Variants in GPC6 observed in about 807,000 individuals in gnomAD.
The protein encoded by GPC6 is glypican 6, also known as glypican-6.
In GPC6, 14 loss-of-function variants were observed where a neutral mutation model predicts 55.2. The ratio of observed to expected loss-of-function variants is 0.25; its 90% CI spans 0.17 to 0.40. The LOEUF (loss-of-function observed/expected upper bound fraction) is 0.40. GPC6 is among the 10% of genes least tolerant of loss of function. The pLI, the probability that GPC6 is intolerant of heterozygous loss-of-function variation, is 1.00. For missense variants in GPC6, 641 were observed against 708.5 expected, an observed-to-expected ratio of 0.90 and a Z score of 1.08; for synonymous variants, 278 against 259.6, an observed-to-expected ratio of 1.07 and a Z score of -0.68.
chr13:93,678,891 A>G (rs1280995923), intron 2 of GPC6, among the ~76,000 whole-genome samples: 1 of 152,142 alleles, frequency 6.6e-6, no homozygotes, highest in Non-Finnish European at 1.5e-5. Context: ...TGTCTGCAGA[A>G]AAAGAAGGGC....
intron 1 of GPC6, among the ~76,000 whole-genome samples, chr13:93,512,864 G>A (rs758543953): frequency 2.6e-5 from 4 of 152,074 alleles, no homozygotes; most frequent in Admixed American, 1.3e-4. Flanking sequence ...CACAAAAGCA[G>A]ATAACTATAA....
At chr13:93,573,272 A>T (rs545228808) in intron 2 of GPC6, among the ~76,000 whole-genome samples, 190 of 151,928 alleles carry the variant, frequency 1.3e-3, no homozygotes, top group African/African-American at 3.5e-3. Flanking sequence ...ATAAATATTT[A>T]AAAAAAACAG....
At chr13:93,580,824 C>T (rs1038464260) in intron 2 of GPC6, among the ~76,000 whole-genome samples, 21 of 152,096 alleles carry the variant, frequency 1.4e-4, no homozygotes, top group Admixed American at 3.3e-4. Context: ...TAAGTTACAA[C>T]AATAATCTGC....
intron 2 of GPC6, among the ~76,000 whole-genome samples, chr13:93,633,475 G>A (rs554272563): frequency 6.6e-6 from 1 of 151,850 alleles, no homozygotes; most frequent in East Asian, 1.9e-4. Flanking sequence ...GTGAAAACCC[G>A]TCTCTACTAA....
At chr13:93,904,981 G>A (rs1450351727) in intron 3 of GPC6, among the ~76,000 whole-genome samples, 1 of 135,066 alleles carries the variant, frequency 7.4e-6, no homozygotes, top group Non-Finnish European at 1.5e-5. Flanking sequence ...CTGTGTCCAT[G>A]TGTTCTCATT....
intron 3 of GPC6, among the ~76,000 whole-genome samples, chr13:93,947,125 T>G (rs540918604): frequency 6.6e-6 from 1 of 152,284 alleles, no homozygotes; most frequent in African/African-American, 2.4e-5. Context: ...GAGGTATGCT[T>G]TGATTGCAAA....
chr13:94,212,079 G>A (rs1292024530), intron 4 of GPC6, among the ~76,000 whole-genome samples: 2 of 152,140 alleles, frequency 1.3e-5, no homozygotes, highest in African/African-American at 4.8e-5. Context: ...AACCTGGGAA[G>A]GTGGGTTCTG....
intron 3 of GPC6, among the ~76,000 whole-genome samples, chr13:93,929,852 AAGG>A (rs1878063122): frequency 6.6e-6 from 1 of 152,024 alleles, no homozygotes; most frequent in South Asian, 2.1e-4. Flanking sequence ...CAGAGAGAAA[AAGG>A]AAGAAAAGAA....
intron 3 of GPC6, among the ~76,000 whole-genome samples, chr13:93,938,608 A>G (rs1265854256): frequency 6.6e-6 from 1 of 152,234 alleles, no homozygotes; most frequent in Admixed American, 6.5e-5. Flanking sequence ...TAGAAAGACA[A>G]CAGAAAATTG....
chr13:93,486,131 G>A (rs932778581), intron 1 of GPC6, among the ~76,000 whole-genome samples: 1 of 152,144 alleles, frequency 6.6e-6, no homozygotes, highest in Non-Finnish European at 1.5e-5. Flanking sequence ...GTGTAGTAGA[G>A]ACAAGTGGTA....
chr13:94,130,091 T>C (rs1004582870), intron 4 of GPC6, among the ~76,000 whole-genome samples: 2 of 152,202 alleles, frequency 1.3e-5, no homozygotes, highest in Non-Finnish European at 2.9e-5. Context: ...GCTCTCATAC[T>C]GATTAATGTT....
chr13:93,584,714 A>G (rs1222116602), intron 2 of GPC6, among the ~76,000 whole-genome samples: 2 of 128,068 alleles, frequency 1.6e-5, no homozygotes, highest in Non-Finnish European at 3.1e-5. Flanking sequence ...TTTTTGAGAC[A>G]GGGTCTCTCT....
chr13:93,979,108 C>G (rs1161065016), intron 3 of GPC6, among the ~76,000 whole-genome samples: 1 of 151,944 alleles, frequency 6.6e-6, no homozygotes, highest in Non-Finnish European at 1.5e-5. Flanking sequence ...TCCAATAGAA[C>G]TTTCTGAGAT....
intron 3 of GPC6, among the ~76,000 whole-genome samples, chr13:93,856,783 G>A (rs1888629121): frequency 6.6e-6 from 1 of 151,586 alleles, no homozygotes; most frequent in Admixed American, 6.6e-5. Flanking sequence ...ACCAGGAATG[G>A]ATTGTGAGTC....
chr13:94,368,145 CTCA>C (rs1879367087), intron 6 of GPC6, among the ~76,000 whole-genome samples: 1 of 104,770 alleles, frequency 9.5e-6, no homozygotes, highest in South Asian at 3.5e-4. Flanking sequence ...AAGACTCTGT[CTCA>C]AAAAAAAAAA....
chr13:94,305,215 T>G (rs1264487583), intron 5 of GPC6, among the ~76,000 whole-genome samples: 1 of 152,170 alleles, frequency 6.6e-6, no homozygotes, highest in Admixed American at 6.5e-5. Context: ...ACTGAACCGT[T>G]GCAGCAATGA....
At chr13:93,622,859 GCTAT>G (rs1273995808) in intron 2 of GPC6, among the ~76,000 whole-genome samples, 3 of 152,034 alleles carry the variant, frequency 2.0e-5, no homozygotes, top group Admixed American at 6.6e-5. Flanking sequence ...ACTTATTTCT[GCTAT>G]CTATTTGTAA....
At chr13:93,217,037 G>A in the GPC6 span, among the ~76,000 whole-genome samples, 51 of 151,526 alleles carry the variant, frequency 3.4e-4, no homozygotes, top group African/African-American at 4.4e-4. Flanking sequence ...TGCTTTGCCC[G>A]CAAAAATGGA....
intron 1 of GPC6, among the ~76,000 whole-genome samples, chr13:93,431,550 G>T (rs2139274915): frequency 6.6e-6 from 1 of 152,200 alleles, no homozygotes; most frequent in East Asian, 1.9e-4. Context: ...CTATCAGTCA[G>T]GAGACAAAAA....
Sources: allele counts gnomAD v4.1 joint callset (sites outside exome capture counted in the v4.1 genomes callset), GRCh38; gene constraint gnomAD v4.1.1; transcripts MANE v1.5; gene names NCBI Gene and HGNC (gene_info 2026-07-23, HGNC 2026-07-21).